The following PPP1R10 variants were observed in gnomAD, a reference collection of about 807,000 sequenced individuals.
The protein encoded by PPP1R10 is protein phosphatase 1 regulatory subunit 10.
PPP1R10 carries 15 observed loss-of-function variants against 99.0 expected under a neutral mutation model. The observed-to-expected ratio is 0.15, with a 90% CI of 0.10 to 0.23. The LOEUF (loss-of-function observed/expected upper bound fraction) is 0.23, where lower values mean the gene tolerates loss of function less well. PPP1R10 is among the 10% of genes least tolerant of loss of function. PPP1R10 has a pLI of 1.00. For synonymous variants in PPP1R10, 430 were observed against 449.5 expected (o/e 0.96, Z 0.55); for missense variants, 947 against 1,259.4 (o/e 0.75, Z 3.75).
At chr6:30,611,548 T>C (rs1326506964) in intron 2 of PPP1R10, among the ~76,000 whole-genome samples, 1 of 152,204 alleles carries the variant, frequency 6.6e-6, no homozygotes, top group Non-Finnish European at 1.5e-5. Context: ...CAATGCAAAT[T>C]AGTTCTACTT....
At chr6:30,601,775 G>T in intron 19 of PPP1R10, 117 bp from the exon 20 acceptor site, 1 of 1,325,450 alleles carries the variant, frequency 7.5e-7, no homozygotes, top group Non-Finnish European at 1.0e-6. Context: ...TTGGGGATTT[G>T]GGGGAAGGGC....
At position 30,608,957 on chromosome 6, in the gene PPP1R10, G is replaced by A. The variant is rs545208023; in HGVS notation, c.195-43C>T. 9 of 1,613,444 alleles carry A rather than the reference G, an allele frequency of 5.6e-6. No individual in the cohort carries two copies. The South Asian group carries it at 7.7e-5, about 14-fold the overall frequency. ...AGTCTATCAGTAATGCCCTTTCTAG[G>A]TTTTGACAGTACCACATCCTACAAT... On this transcript the variant is annotated intron_variant, in intron 4 of 19. Transcript: ENST00000376511.
At chr6:30,611,301 C>T (rs552139410) in intron 2 of PPP1R10, among the ~76,000 whole-genome samples, 4 of 151,790 alleles carry the variant, frequency 2.6e-5, no homozygotes, top group Non-Finnish European at 5.9e-5. Context: ...CAGAGTAAGA[C>T]GCTGCCTCAA....
In PPP1R10 at chr6:30,615,836, A is replaced by G. The variant is rs115599559; in HGVS notation, c.-12+642T>C. ...TGGCACTAAGATTATATTTTGTCCT[A>G]AGTGTCTTGCAATCTTTATTCCTAG... On this transcript the variant is annotated intron_variant, in intron 2 of 19. Coordinates refer to ENST00000376511, the MANE Select transcript of PPP1R10 (RefSeq NM_002714.4). Among the ~76,000 whole-genome samples, 1,511 of 152,270 alleles carry G rather than the reference A, an allele frequency of 9.9e-3. 23 individuals are homozygous for G. The highest frequency in any genetic ancestry group is 0.034 in the African/African-American group (1,412 of 41,534).
At chr6:30,615,748 C>T (rs558705956) in intron 2 of PPP1R10, among the ~76,000 whole-genome samples, 5 of 152,234 alleles carry the variant, frequency 3.3e-5, no homozygotes, top group African/African-American at 1.2e-4. Flanking sequence ...CTTTTAAATA[C>T]CTATGCAATC....
At chr6:30,615,167 TA>T (rs1561854667) in intron 2 of PPP1R10, among the ~76,000 whole-genome samples, 1 of 149,792 alleles carries the variant, frequency 6.7e-6, no homozygotes, top group Non-Finnish European at 1.5e-5. Flanking sequence ...AAAGAGGACT[TA>T]AACTAAAAAG....
In PPP1R10 at chr6:30,604,833, A is replaced by G; in HGVS notation, c.955-98T>C. 1 of 1,564,166 alleles carries G rather than the reference A, an allele frequency of 6.4e-7. No individual in the cohort carries two copies. Among genetic ancestry groups the G allele is most frequent in the Non-Finnish European group, 8.8e-7 (1 of 1,136,614 alleles). ...GGCACAGTCCCCCAACAGTTCCTAT[A>G]TAAAGGAAGACTCTGTCTCCACAAT... On this transcript the variant is annotated intron_variant, in intron 11 of 19. Coordinates refer to ENST00000376511, the MANE Select transcript of PPP1R10 (RefSeq NM_002714.4). The surrounding 1 kb of genome is among the most constrained non-coding windows in gnomAD (Gnocchi z 7.3).
In PPP1R10 at chr6:30,606,271, C is replaced by G. The variant is rs1465471308; in HGVS notation, c.635-28G>C. ...GGGGAAAGAAGCACGGTGTGGGCAG[C>G]TGAACTCAAACCCCAGACCCCCGAA... On this transcript the variant is annotated intron_variant, in intron 8 of 19. Transcript: ENST00000376511. This position sits in a 1 kb window ranked among gnomAD's most constrained non-coding sequence, Gnocchi z 6.3. The G allele has an allele frequency of 1.2e-5, 20 of 1,610,032 alleles. No individual in the cohort carries two copies. The highest frequency in any genetic ancestry group is 1.6e-5 in the Non-Finnish European group (19 of 1,177,654).
intron 5 of PPP1R10, 106 bp from the exon 6 acceptor site, chr6:30,607,997 T>TA: frequency 1.7e-6 from 2 of 1,196,272 alleles, no homozygotes; most frequent in South Asian, 1.4e-5. Context: ...TTTTTTTTTT[T>TA]TTATTTTTTG....
intron 6 of PPP1R10, among the ~76,000 whole-genome samples, chr6:30,607,499 C>A (rs1440293101): frequency 6.6e-6 from 1 of 152,276 alleles, no homozygotes; most frequent in South Asian, 2.1e-4. Context: ...CATAATTTAT[C>A]ATTTAGTAAT....
rs1022548041 is a variant in PPP1R10, at chr6:30,600,880, G to T, written c.*669C>A. ...ACCTCTGCCAGCTAAAACTTGCACCGGATGCAGATACGAGTTCGCCATCAT... is the reference window on the plus strand; with the variant it reads ...ACCTCTGCCAGCTAAAACTTGCACCTGATGCAGATACGAGTTCGCCATCAT... On this transcript the variant is annotated 3_prime_UTR_variant, in exon 20 of 20. Transcript: ENST00000376511. The T allele has an allele frequency of 6.5e-6, 1 of 152,692 alleles. No individual in the cohort carries two copies. Among genetic ancestry groups the T allele is most frequent in the African/African-American group, 2.4e-5 (1 of 41,438 alleles). The allele number at this position is 152,692 out of a possible 1,614,324, so 9.5% of individuals were successfully genotyped here. A position where few individuals can be genotyped will look rare whatever the true frequency, so the allele number is the denominator to read the frequency against.
chr6:30,601,845 C>T, intron 19 of PPP1R10, 91 bp downstream of exon 19: 2 of 1,424,674 alleles, frequency 1.4e-6, no homozygotes, highest in South Asian at 1.5e-5. Flanking sequence ...TCACGTTCTG[C>T]CTAGCTACCA....
chr6:30,605,695 C>T (rs1051111389), intron 10 of PPP1R10: 2 of 507,214 alleles, frequency 3.9e-6, no homozygotes, highest in Non-Finnish European at 7.0e-6. Context: ...CCCATCTCTA[C>T]TAAAAATACA....
chr6:30,616,282 T>G (rs748400369), intron 2 of PPP1R10, among the ~76,000 whole-genome samples, 196 bp downstream of exon 2: 7 of 152,148 alleles, frequency 4.6e-5, no homozygotes, highest in Admixed American at 1.3e-4. Flanking sequence ...AGGGAAGAGA[T>G]AGGTGGTAGG....
Position 30,602,581 on chromosome 6 carries a change from C to A in PPP1R10, c.2068G>T (p.Gly690Cys). 6.4e-7 allele frequency: 1 copy of A among 1,568,430 alleles called. No individual in the cohort carries two copies. The highest frequency in any genetic ancestry group is 1.2e-5 in the South Asian group (1 of 85,550). Residue 690 changes from glycine to cysteine, a missense_variant, in exon 19 of 20, where the codon GGC (glycine) becomes TGC (cysteine). Physicochemically the swap from Gly to Cys is radical, Grantham distance 159. Coordinates refer to ENST00000376511, the MANE Select transcript of PPP1R10 (RefSeq NM_002714.4). The surrounding 1 kb of genome is among the most constrained non-coding windows in gnomAD (Gnocchi z 6.7). ...GGTCCTGGACCCCCCCGCATTGGGC[C>A]ACCCCGCATAGGGTCGCCCGGGCCA... ...WDGPGDPMRG[G>C]PMRGGPGPGP...
At chr6:30,608,571 G>C (rs1804211000) in intron 5 of PPP1R10, among the ~76,000 whole-genome samples, 1 of 152,152 alleles carries the variant, frequency 6.6e-6, no homozygotes, top group African/African-American at 2.4e-5. Context: ...AAAGTGCTGG[G>C]ATCACAGGCG....
chr6:30,613,195 G>A (rs892237617), intron 2 of PPP1R10, among the ~76,000 whole-genome samples: 3 of 152,104 alleles, frequency 2.0e-5, no homozygotes, highest in South Asian at 4.1e-4. Flanking sequence ...TTTTACTTGA[G>A]GGTTATTCAA....
intron 2 of PPP1R10, among the ~76,000 whole-genome samples, chr6:30,612,592 G>A (rs1804666967): frequency 6.6e-6 from 1 of 152,312 alleles, no homozygotes; most frequent in East Asian, 1.9e-4. Flanking sequence ...GGAAATATAA[G>A]TGAAATTTTG....
intron 10 of PPP1R10, 100 bp from the exon 11 acceptor site, chr6:30,605,194 G>T: frequency 9.7e-7 from 1 of 1,031,358 alleles, no homozygotes; most frequent in Non-Finnish European, 1.4e-6. Context: ...TGAAGACCCT[G>T]CCTCAACTTA....
Sources: allele counts gnomAD v4.1 joint callset (sites outside exome capture counted in the v4.1 genomes callset), GRCh38; gene constraint gnomAD v4.1.1; non-coding constraint Gnocchi (gnomAD v3.1); transcripts MANE v1.5; gene names NCBI Gene and HGNC (gene_info 2026-07-23, HGNC 2026-07-21).